Variants in GALNT15 observed in about 807,000 individuals in gnomAD.
GALNT15 encodes UDP-GalNAc transferase T15.
In GALNT15, 67 loss-of-function variants were observed where a neutral mutation model predicts 66.8. The ratio of observed to expected loss-of-function variants is 1.00; its 90% confidence interval spans 0.82 to 1.23. The LOEUF (loss-of-function observed/expected upper bound fraction) is 1.23, where lower values mean the gene tolerates loss of function less well. Among genes scored for constraint, GALNT15 ranks in the 50% most tolerant of loss-of-function variants. The probability of loss-of-function intolerance (pLI) is 0.00; values close to 1 mark genes in which losing one functional copy is unlikely to be tolerated. For missense variants in GALNT15, 827 were observed against 804.3 expected (o/e 1.03, Z -0.34); for synonymous variants, 313 against 311.5 (o/e 1.00, Z -0.05).
Position 16,203,049 on chromosome 3 carries a change from AG to A in GALNT15, c.911+2228del, listed in dbSNP as rs2124873600. Among the ~76,000 whole-genome samples, 1 of 152,274 alleles carries A rather than the reference AG, an allele frequency of 6.6e-6. No homozygotes were observed. Among genetic ancestry groups the A allele is most frequent in the South Asian group, 2.1e-4 (1 of 4,826 alleles). On this transcript the variant is annotated intron_variant, in intron 3 of 9. Coordinates refer to ENST00000339732, the MANE Select transcript of GALNT15 (RefSeq NM_054110.5). The surrounding 1 kb of genome is among the most constrained non-coding windows in gnomAD (Gnocchi z 6.2). ...ATGACCCCCATGAGAGGCCTCAGGC[AG>A]GTATTTTAGCTTCTGTTTTATAGGG...
intron 6 of GALNT15, among the ~76,000 whole-genome samples, chr3:16,217,513 A>G (rs1348354390): frequency 6.6e-6 from 1 of 152,180 alleles, no homozygotes; most frequent in African/African-American, 2.4e-5. Context: ...TAAATAACCA[A>G]AAGTTAATTT....
In GALNT15 at chr3:16,229,302, G is replaced by T; in HGVS notation, c.*1802G>T. ...CTAATATGGTAGCCACTAACAAAAT[G>T]TGGCCATTTTGATGGAAATCCATTA... On this transcript the variant is annotated 3_prime_UTR_variant, in exon 10 of 10. Coordinates refer to ENST00000339732, the MANE Select transcript of GALNT15 (RefSeq NM_054110.5). 4.2e-6 allele frequency: 4 copies of T among 960,466 alleles called. No individual in the cohort carries two copies. The highest frequency in any genetic ancestry group is 5.0e-6 in the Non-Finnish European group (4 of 807,236). 59.5% of individuals were successfully genotyped at this position (960,466 alleles called of 1,614,324 possible).
chr3:16,234,423 T>C (rs556911424), downstream of GALNT15, among the ~76,000 whole-genome samples: 4 of 152,302 alleles, frequency 2.6e-5, no homozygotes, highest in East Asian at 5.8e-4. Flanking sequence ...CAGTCCTCAA[T>C]TGATGACTGA....
At position 16,228,373 on chromosome 3, in the gene GALNT15, G is replaced by C. The variant is rs529992306; in HGVS notation, c.*873G>C. The C allele has an allele frequency of 2.0e-6, 2 of 982,076 alleles. No homozygotes were observed. Among genetic ancestry groups the C allele is most frequent in the Non-Finnish European group, 2.4e-6 (2 of 826,704 alleles). The allele number at this position is 982,076 out of a possible 1,614,324, so 60.8% of individuals were successfully genotyped here. A position where few individuals can be genotyped will look rare whatever the true frequency, so the allele number is the denominator to read the frequency against. On this transcript the variant is annotated 3_prime_UTR_variant, in exon 10 of 10. Transcript: ENST00000339732. ...AGAAACTCTCCTGCCGGGCGCGGTG[G>C]CTCATGCCTGTAATTCCAGCACTTT...
At position 16,191,425 on chromosome 3, in the gene GALNT15, A is replaced by G. The variant is rs2063576462; in HGVS notation, c.540-4335A>G. ...GCTTTATAAAGATCATTTCATCTCCACAACAGCAAATCCCAAAAAGTGGGC... is the reference window on the plus strand; with the variant it reads ...GCTTTATAAAGATCATTTCATCTCCGCAACAGCAAATCCCAAAAAGTGGGC... On this transcript the variant is annotated intron_variant, in intron 1 of 9. Coordinates refer to ENST00000339732, the MANE Select transcript of GALNT15 (RefSeq NM_054110.5). This position sits in a 1 kb window ranked among gnomAD's most constrained non-coding sequence, Gnocchi z 5.2. 5 of 791,968 alleles carry G rather than the reference A, an allele frequency of 6.3e-6. No individual in the cohort carries two copies. Among genetic ancestry groups the G allele is most frequent in the Non-Finnish European group, 7.6e-6 (5 of 653,628 alleles). 49.1% of individuals were successfully genotyped at this position (791,968 alleles called of 1,614,324 possible).
At chr3:16,217,948 A>G (rs894067514) in intron 6 of GALNT15, among the ~76,000 whole-genome samples, 2 of 152,182 alleles carry the variant, frequency 1.3e-5, no homozygotes, top group African/African-American at 2.4e-5. Context: ...GGGTAAATAC[A>G]CTGAATAAAC....
downstream of GALNT15, among the ~76,000 whole-genome samples, chr3:16,236,403 A>G (rs1244997817): frequency 6.6e-6 from 1 of 152,202 alleles, no homozygotes; most frequent in Non-Finnish European, 1.5e-5. Context: ...GAGCCGAGCC[A>G]TGGACAATAA....
intron 9 of GALNT15, among the ~76,000 whole-genome samples, chr3:16,223,692 T>G (rs1390534468): frequency 1.4e-5 from 1 of 71,498 alleles, no homozygotes; most frequent in East Asian, 3.3e-4. Flanking sequence ...CAAAGAAGTC[T>G]TTTTTTTTTT....
Position 16,195,956 on chromosome 3 carries a change from G to A in GALNT15, c.706+30G>A. 1 of 1,610,972 alleles carries A rather than the reference G, an allele frequency of 6.2e-7. No homozygotes were observed. Among genetic ancestry groups the A allele is most frequent in the Non-Finnish European group, 8.5e-7 (1 of 1,177,748 alleles). ...CCACGGCTTTCCTCCAGGCTCGTCT[G>A]GGTGAGCCTTACCCCCTGGCGGGTG... On this transcript the variant is annotated intron_variant, in intron 2 of 9. Transcript: ENST00000339732. The surrounding 1 kb of genome is among the most constrained non-coding windows in gnomAD (Gnocchi z 4.6).
chr3:16,205,763 G>A (rs2063749943), intron 3 of GALNT15, among the ~76,000 whole-genome samples: 2 of 152,150 alleles, frequency 1.3e-5, no homozygotes, highest in Non-Finnish European at 1.5e-5. Context: ...GTCCTGCTAG[G>A]CAGCCACTGT....
In GALNT15 at chr3:16,195,518, G is replaced by A. The variant is rs1259980045; in HGVS notation, c.540-242G>A. 1.3e-5 allele frequency among the ~76,000 whole-genome samples: 2 copies of A among 152,194 alleles called. No individual in the cohort carries two copies. Among genetic ancestry groups the A allele is most frequent in the Non-Finnish European group, 2.9e-5 (2 of 68,034 alleles). On this transcript the variant is annotated intron_variant, in intron 1 of 9. Transcript: ENST00000339732. This position sits in a 1 kb window ranked among gnomAD's most constrained non-coding sequence, Gnocchi z 4.6. ...AGGATGACGGCAACGCTTCTCAATT[G>A]CAATGAGAGGGACTTTGGATTAAAT...
At chr3:16,245,298 A>G in the GALNT15 span, among the ~76,000 whole-genome samples, 2 of 152,194 alleles carry the variant, frequency 1.3e-5, no homozygotes, top group African/African-American at 2.4e-5. Flanking sequence ...AACCACCTGC[A>G]TCCAGTCCTT....
At chr3:16,239,007 T>C in the GALNT15 span, among the ~76,000 whole-genome samples, 1 of 152,196 alleles carries the variant, frequency 6.6e-6, no homozygotes, top group Admixed American at 6.5e-5. This position sits in a 1 kb window ranked among gnomAD's most constrained non-coding sequence, Gnocchi z 5.2. Flanking sequence ...CCATTCCTGT[T>C]GGCTTTTGAT....
chr3:16,231,757 C>CCT, downstream of GALNT15: 1 of 1,447,738 alleles, frequency 6.9e-7, no homozygotes, highest in Non-Finnish European at 9.4e-7. The surrounding 1 kb of genome is among the most constrained non-coding windows in gnomAD (Gnocchi z 4.1). Flanking sequence ...TACAGTCCTT[C>CCT]CTCTCTCTCT....
At position 16,178,995 on chromosome 3, in the gene GALNT15, C is replaced by G. The variant is rs558968626; in HGVS notation, c.539+3305C>G. Among the ~76,000 whole-genome samples, 3 of 152,376 alleles carry G rather than the reference C, an allele frequency of 2.0e-5. No homozygotes were observed. The South Asian group carries it at 6.2e-4, about 32-fold the overall frequency. On this transcript the variant is annotated intron_variant, in intron 1 of 9. Coordinates refer to ENST00000339732, the MANE Select transcript of GALNT15 (RefSeq NM_054110.5). ...TGTTGTCCTTTCCCCCCTGCCCAGG[C>G]CACAGGCCTTTTTCTGAGTACCTTT...
intron 2 of GALNT15, among the ~76,000 whole-genome samples, chr3:16,199,945 A>T (rs537624981): frequency 3.7e-4 from 57 of 152,322 alleles, no homozygotes; most frequent in Non-Finnish European, 7.2e-4. Flanking sequence ...TCTGAGTAGG[A>T]CACTATATTA....
Position 16,176,602 on chromosome 3 carries a change from C to T in GALNT15, c.539+912C>T, listed in dbSNP as rs1221034731. 2.6e-5 allele frequency among the ~76,000 whole-genome samples: 4 copies of T among 152,346 alleles called. 1 individual carries two copies. Among genetic ancestry groups the T allele is most frequent in the South Asian group, 4.1e-4 (2 of 4,824 alleles). ...AGATGCTGGCCCATCCTCCACACCC[C>T]CTGCTCCCTTACTGTCACCATGGCT... On this transcript the variant is annotated intron_variant, in intron 1 of 9. Transcript: ENST00000339732. This position sits in a 1 kb window ranked among gnomAD's most constrained non-coding sequence, Gnocchi z 5.6.
chr3:16,193,774 G>T lies in GALNT15; in HGVS notation c.540-1986G>T, dbSNP rs2063604320. On this transcript the variant is annotated intron_variant, in intron 1 of 9. Transcript: ENST00000339732. The surrounding 1 kb of genome is among the most constrained non-coding windows in gnomAD (Gnocchi z 4.7). ...TTCCTTTAGGTGTCCGAAGTTTGGG[G>T]TCCTTGAGATGGCTCCTATTCAAAT... Among the ~76,000 whole-genome samples, 1 of 152,194 alleles carries T rather than the reference G, an allele frequency of 6.6e-6. No homozygotes were observed. Among genetic ancestry groups the T allele is most frequent in the Non-Finnish European group, 1.5e-5 (1 of 68,032 alleles).
At chr3:16,226,043 C>T (rs1259575024) in intron 9 of GALNT15, among the ~76,000 whole-genome samples, 1 of 144,716 alleles carries the variant, frequency 6.9e-6, no homozygotes, top group Non-Finnish European at 1.5e-5. Context: ...AGCAAGACTC[C>T]TTCTTGGAAA....
Sources: gnomAD v4.1 joint callset for allele counts (sites outside exome capture counted in the v4.1 genomes callset) on GRCh38, gnomAD v4.1.1 for gene constraint, Gnocchi (gnomAD v3.1) non-coding constraint, MANE v1.5 for transcripts, NCBI Gene and HGNC (gene_info 2026-07-23, HGNC 2026-07-21) for gene names.